The following SPACA6 variants were observed in gnomAD, a reference collection of about 807,000 sequenced individuals.
The protein encoded by SPACA6 is sperm acrosome membrane-associated protein 6.
For missense variants in SPACA6, 8 were observed against 2.8 expected, an observed-to-expected ratio of 2.88 and a Z score of -1.34; for synonymous variants, 6 against 1.5, an observed-to-expected ratio of 4.05 and a Z score of -2.21.
At chr19:51,711,711 A>G (rs2083542118) in intron 2 of SPACA6, among the ~76,000 whole-genome samples, 2 of 152,214 alleles carry the variant, frequency 1.3e-5, no homozygotes, top group African/African-American at 2.4e-5. Flanking sequence ...TTGGCCATAA[A>G]AAGGAATGAA....
At chr19:51,704,595 C>T (rs1399050140) in intron 8 of SPACA6, 115 bp downstream of exon 8, 2 of 399,598 alleles carry the variant, frequency 5.0e-6, no homozygotes, top group East Asian at 7.1e-5. Context: ...TTCAGTTCCT[C>T]CTCTCTCAGA....
rs557622817 is a variant in SPACA6, at chr19:51,702,984, G to C, written c.386-37G>C. Reference sequence around the variant, plus strand: ...GGCCAAGGGCCCCGGGCTTGGAAGGGCAGGTGGCGCCTAGACCCAGCGTTC... The same window carrying C: ...GGCCAAGGGCCCCGGGCTTGGAAGGCCAGGTGGCGCCTAGACCCAGCGTTC... On this transcript the variant is annotated intron_variant, in intron 4 of 8. Transcript: ENST00000637797. The C allele has an allele frequency of 4.8e-5, 19 of 399,214 alleles. No individual in the cohort carries two copies. The East Asian group carries it at 6.4e-4, about 13-fold the overall frequency. The allele number at this position is 399,214 out of a possible 1,614,324, so 24.7% of individuals were successfully genotyped here.
intron 1 of SPACA6, 126 bp downstream of exon 1, chr19:51,693,866 C>G (rs575443297): frequency 2.5e-6 from 1 of 399,420 alleles, no homozygotes; most frequent in Non-Finnish European, 4.4e-6. Flanking sequence ...GCTCAAAGAC[C>G]ATGAGAACAA....
In SPACA6 at chr19:51,703,245, ACT is replaced by A. The variant is rs2083484067; in HGVS notation, c.483_484del (p.Arg162GlyfsTer81). On this transcript the variant is annotated frameshift_variant, in exon 6 of 9. Transcript: ENST00000637797. LOFTEE classifies it high-confidence loss of function. The surrounding 1 kb of genome is among the most constrained non-coding windows in gnomAD (Gnocchi z 4.2). ...GTCTTCAGTTCAGGATGTGACAGTG[ACT>A]CGGGGCGACCAGGCTATGTTTTCTT... The part of the protein sequence containing the change: ...LDCPVQDVTV[T>X]RGDQAMFSCI... 1 of 399,128 alleles carries A rather than the reference ACT, an allele frequency of 2.5e-6. No individual in the cohort carries two copies. The highest frequency in any genetic ancestry group is 2.1e-5 in the African/African-American group (1 of 48,532). The allele number at this position is 399,128 out of a possible 1,614,324, so 24.7% of individuals were successfully genotyped here. A position where few individuals can be genotyped will look rare whatever the true frequency, so the allele number is the denominator to read the frequency against.
chr19:51,695,829 G>A (rs1182483003), intron 2 of SPACA6, among the ~76,000 whole-genome samples: 1 of 152,214 alleles, frequency 6.6e-6, no homozygotes, highest in African/African-American at 2.4e-5. Flanking sequence ...AGTGGGGGCT[G>A]GGGCCGTGAA....
chr19:51,704,172 A>G lies in SPACA6; in HGVS notation c.716A>G (p.Tyr239Cys), dbSNP rs1303458263. The G allele has an allele frequency of 2.5e-6, 1 of 400,606 alleles. No individual in the cohort carries two copies. Among genetic ancestry groups the G allele is most frequent in the Admixed American group, 4.4e-5 (1 of 22,718 alleles). The allele number at this position is 400,606 out of a possible 1,614,324, so 24.8% of individuals were successfully genotyped here. A position where few individuals can be genotyped will look rare whatever the true frequency, so the allele number is the denominator to read the frequency against. ...KQDQRPLARL[Y>C]FFLNVTGPPP... ...GACCAGCGCCCCCTGGCCCGGCTCT[A>G]CTTCTTTCTTAACGGTGGGGCGGGG... is the stretch of plus-strand genomic sequence containing the variant. Residue 239 changes from tyrosine (Y) to cysteine (C), a missense_variant, in exon 7 of 9, where the codon TAC (tyrosine) becomes TGC (cysteine). By Grantham distance (194) the Tyr-to-Cys change is radical (BLOSUM62 -2). Transcript: ENST00000637797.
upstream of SPACA6, chr19:51,693,079 G>T (rs888375873): frequency 1.4e-4 from 49 of 362,038 alleles, no homozygotes; most frequent in Non-Finnish European, 2.4e-4. Flanking sequence ...TTTCACAGTG[G>T]ATCCTCTGAC....
rs112268401 is a variant in SPACA6 at position 51,711,045 on chromosome 19, ACT to A, written n.200-986_200-985del. 5.3e-5 allele frequency among the ~76,000 whole-genome samples: 8 copies of A among 152,286 alleles called. 1 individual carries two copies. Among genetic ancestry groups the A allele is most frequent in the African/African-American group, 1.9e-4 (8 of 41,540 alleles). Reference sequence around the variant, plus strand: ...CAGTGAGCTGAGTTCACACCACTGAACTCCAGCCTGGGCGACAGAGCAAGACC... The same window carrying A: ...CAGTGAGCTGAGTTCACACCACTGAACCAGCCTGGGCGACAGAGCAAGACC... On this transcript the variant is annotated intron_variant and non_coding_transcript_variant, in intron 2 of 2. Coordinates refer to the SPACA6 transcript ENST00000573896.
chr19:51,706,966 C>T (rs919734008), downstream of SPACA6, among the ~76,000 whole-genome samples: 8 of 152,124 alleles, frequency 5.3e-5, no homozygotes, highest in African/African-American at 1.9e-4. Context: ...CAGCCGTTAA[C>T]TCATTTTTTA....
At chr19:51,709,483 C>G (rs2083531575), downstream of SPACA6, among the ~76,000 whole-genome samples, 1 of 143,188 alleles carries the variant, frequency 7.0e-6, no homozygotes, top group East Asian at 2.0e-4. Context: ...CGCCATTGCA[C>G]TCCAGCCTGG....
upstream of SPACA6, chr19:51,686,559 T>C (rs1289813308): frequency 6.6e-6 from 1 of 152,186 alleles, no homozygotes; most frequent in Non-Finnish European, 1.5e-5. Context: ...TTCTTAATCA[T>C]ACATGAATTT....
At chr19:51,697,495 C>T (rs752179570) in intron 2 of SPACA6, among the ~76,000 whole-genome samples, 4 of 152,130 alleles carry the variant, frequency 2.6e-5, no homozygotes, top group Admixed American at 6.5e-5. Flanking sequence ...TATCCTCTAC[C>T]GGCCCTGTGA....
At chr19:51,683,513 G>T in the SPACA6 span, among the ~76,000 whole-genome samples, 1 of 152,114 alleles carries the variant, frequency 6.6e-6, no homozygotes, top group African/African-American at 2.4e-5. Context: ...TAGGAAGGGA[G>T]GGGTCAATCA....
upstream of SPACA6, among the ~76,000 whole-genome samples, chr19:51,688,701 G>C (rs2083340549): frequency 6.6e-6 from 1 of 152,108 alleles, no homozygotes; most frequent in Admixed American, 6.5e-5. Context: ...GACAGGAAGG[G>C]AGGGAGAGAA....
intron 2 of SPACA6, among the ~76,000 whole-genome samples, chr19:51,697,122 A>C (rs1003088645): frequency 2.6e-5 from 4 of 152,152 alleles, no homozygotes; most frequent in East Asian, 1.9e-4. Flanking sequence ...GGGAATGCTG[A>C]TGCTGCTGCT....
intron 2 of SPACA6, among the ~76,000 whole-genome samples, chr19:51,696,473 G>C (rs2083431733): frequency 6.6e-6 from 1 of 151,860 alleles, no homozygotes; most frequent in Non-Finnish European, 1.5e-5. Context: ...TTTGAGATAG[G>C]GTCTCACTTT....
chr19:51,688,758 A>C (rs2083341069), upstream of SPACA6, among the ~76,000 whole-genome samples: 1 of 152,022 alleles, frequency 6.6e-6, no homozygotes, highest in Admixed American at 6.6e-5. Context: ...AATGCCCCAC[A>C]GGCAGAGAAA....
downstream of SPACA6, among the ~76,000 whole-genome samples, chr19:51,708,294 T>G (rs570439819): frequency 1.5e-4 from 23 of 152,322 alleles, no homozygotes; most frequent in African/African-American, 4.6e-4. Flanking sequence ...GGTATAAGAC[T>G]GTCAGAAACC....
intron 2 of SPACA6, among the ~76,000 whole-genome samples, chr19:51,701,219 GAATAA>G (rs529489477): frequency 3.4e-4 from 47 of 137,106 alleles, no homozygotes; most frequent in Admixed American, 1.1e-3. Flanking sequence ...GACACTGTCT[GAATAA>G]AATAAAATAA....
Sources: allele counts gnomAD v4.1 joint callset (sites outside exome capture counted in the v4.1 genomes callset), GRCh38; gene constraint gnomAD v4.1.1; non-coding constraint Gnocchi (gnomAD v3.1); transcripts MANE v1.5; gene names NCBI Gene and HGNC (gene_info 2026-07-23, HGNC 2026-07-21).